The following PXDNL variants were observed in gnomAD, a reference collection of about 807,000 sequenced individuals.
PXDNL encodes peroxidasin like.
Under a neutral mutation model 150.8 loss-of-function variants are expected in PXDNL, and 145 were observed. That is an observed-to-expected ratio of 0.96 (90% CI 0.84 to 1.10). PXDNL has a LOEUF of 1.10. Ranked by LOEUF, PXDNL falls within the 50% of genes least tolerant of loss-of-function variation. The pLI, the probability that PXDNL is intolerant of heterozygous loss-of-function variation, is 0.00. For synonymous variants in PXDNL, 757 were observed against 725.7 expected (o/e 1.04, Z -0.69); for missense variants, 2,087 against 1,873.9 (o/e 1.11, Z -2.10).
intron 2 of PXDNL, among the ~76,000 whole-genome samples, chr8:51,617,596 A>AC (rs2130728096): frequency 6.6e-6 from 1 of 152,364 alleles, no homozygotes; most frequent in South Asian, 2.1e-4. Context: ...CTCAGTCAAT[A>AC]CTGCATGGAA....
chr8:51,771,777 G>A (rs2037297873), intron 1 of PXDNL, among the ~76,000 whole-genome samples: 2 of 152,132 alleles, frequency 1.3e-5, no homozygotes, highest in Non-Finnish European at 2.9e-5. Flanking sequence ...CTTCTACCTG[G>A]AAGCAGCTAA....
chr8:51,597,651 T>TTGTG (rs71550272), intron 2 of PXDNL, among the ~76,000 whole-genome samples: 106 of 149,902 alleles, frequency 7.1e-4, no homozygotes, highest in Middle Eastern at 3.4e-3. Context: ...CTCTAAGTAT[T>TTGTG]TGTGTGTGTG....
At chr8:51,490,541 A>C (rs182950422) in intron 5 of PXDNL, among the ~76,000 whole-genome samples, 1 of 151,786 alleles carries the variant, frequency 6.6e-6, no homozygotes, top group East Asian at 1.9e-4. Flanking sequence ...TGCCACAAGA[A>C]TTAGAAGGTC....
chr8:51,675,620 C>T (rs1172738981), intron 1 of PXDNL, among the ~76,000 whole-genome samples: 1 of 151,844 alleles, frequency 6.6e-6, no homozygotes, highest in Non-Finnish European at 1.5e-5. Context: ...TGGTGAAACC[C>T]TGTCTCTACT....
At chr8:51,360,172 C>T (rs1266845835) in intron 19 of PXDNL, among the ~76,000 whole-genome samples, 1 of 151,862 alleles carries the variant, frequency 6.6e-6, no homozygotes, top group Non-Finnish European at 1.5e-5. Context: ...TGCATGTATA[C>T]AACCATTCAC....
chr8:51,797,596 A>G (rs1268261388), intron 1 of PXDNL, among the ~76,000 whole-genome samples: 2 of 152,214 alleles, frequency 1.3e-5, no homozygotes, highest in Admixed American at 6.5e-5. Flanking sequence ...AGAATAAAAT[A>G]CCTAGGAATA....
chr8:51,708,280 G>A (rs924694148), intron 1 of PXDNL, among the ~76,000 whole-genome samples: 3 of 152,232 alleles, frequency 2.0e-5, no homozygotes, highest in African/African-American at 7.2e-5. Flanking sequence ...CCCTGGAGCA[G>A]GAAGGGGAGG....
intron 17 of PXDNL, among the ~76,000 whole-genome samples, chr8:51,391,204 G>C (rs1359357470): frequency 6.6e-6 from 1 of 152,178 alleles, no homozygotes; most frequent in Non-Finnish European, 1.5e-5. Context: ...ATAAACATAT[G>C]TGTGCGTGTG....
intron 1 of PXDNL, among the ~76,000 whole-genome samples, chr8:51,715,434 C>A (rs1262392112): frequency 1.3e-5 from 2 of 152,206 alleles, no homozygotes; most frequent in African/African-American, 4.8e-5. Context: ...TTAATCACTA[C>A]ACTAAGCAGT....
At chr8:51,547,231 AC>A (rs111880541) in intron 4 of PXDNL, among the ~76,000 whole-genome samples, 1 of 152,208 alleles carries the variant, frequency 6.6e-6, no homozygotes, top group African/African-American at 2.4e-5. Flanking sequence ...GCTGGAGGCC[AC>A]CAACTCAAGC....
chr8:51,558,460 G>A (rs1409552430), intron 3 of PXDNL, among the ~76,000 whole-genome samples: 1 of 152,018 alleles, frequency 6.6e-6, no homozygotes, highest in Non-Finnish European at 1.5e-5. Flanking sequence ...TGACTTCAAG[G>A]GTGTCATGTC....
chr8:51,360,345 G>A (rs1014155603), intron 19 of PXDNL, among the ~76,000 whole-genome samples: 1 of 152,048 alleles, frequency 6.6e-6, no homozygotes, highest in East Asian at 1.9e-4. Flanking sequence ...ATACACACCT[G>A]TACATGCCTA....
chr8:51,378,829 C>T (rs1807441949), intron 17 of PXDNL, among the ~76,000 whole-genome samples: 1 of 152,140 alleles, frequency 6.6e-6, no homozygotes, highest in Admixed American at 6.5e-5. Context: ...TATGAACCCA[C>T]CAGAAGGAAG....
At chr8:51,351,433 G>A (rs1806347858) in intron 19 of PXDNL, among the ~76,000 whole-genome samples, 1 of 152,298 alleles carries the variant, frequency 6.6e-6, no homozygotes, top group African/African-American at 2.4e-5. Context: ...CAGAAGCCAA[G>A]AAACAATGGA....
rs71550283 is a variant in PXDNL at position 51,705,807 on chromosome 8, CTGTG to C, written c.165-51051_165-51048del. ...CAGACAAACCCTCCTGGTGAAAACACTGTGTGTGTGTGTGTGTGTGTGTGTGCGC... is the reference window on the plus strand; with the variant it reads ...CAGACAAACCCTCCTGGTGAAAACACTGTGTGTGTGTGTGTGTGTGTGCGC... On this transcript the variant is annotated intron_variant, in intron 1 of 22. Transcript: ENST00000356297. Among the ~76,000 whole-genome samples, 89 of 143,388 alleles carry C rather than the reference CTGTG, an allele frequency of 6.2e-4. 2 individuals carry two copies. The Middle Eastern group carries it at 0.014, about 22-fold the overall frequency. 94.1% of individuals were successfully genotyped at this position (143,388 alleles called of 152,430 possible). A position where few individuals can be genotyped will look rare whatever the true frequency, so the allele number is the denominator to read the frequency against.
chr8:51,545,130 C>G (rs1306876625), intron 4 of PXDNL, among the ~76,000 whole-genome samples: 3 of 152,078 alleles, frequency 2.0e-5, no homozygotes, highest in Non-Finnish European at 4.4e-5. Context: ...GCTTTAAATA[C>G]TAAGATTACT....
intron 21 of PXDNL, among the ~76,000 whole-genome samples, chr8:51,322,366 A>G (rs1805350368): frequency 6.6e-6 from 1 of 152,156 alleles, no homozygotes; most frequent in Admixed American, 6.5e-5. Context: ...GGTACCAGAA[A>G]CAGATCAGTA....
chr8:51,655,947 A>G (rs370334597), intron 1 of PXDNL, among the ~76,000 whole-genome samples: 27 of 152,322 alleles, frequency 1.8e-4, no homozygotes, highest in African/African-American at 6.0e-4. Context: ...TTGACTTTCC[A>G]GATCCCTGAC....
chr8:51,734,158 T>A (rs1816989333), intron 1 of PXDNL, among the ~76,000 whole-genome samples: 1 of 152,118 alleles, frequency 6.6e-6, no homozygotes, highest in Admixed American at 6.6e-5. Context: ...AGCACCTTTT[T>A]ACGTTTCTTA....
Sources: gnomAD v4.1 joint callset for allele counts (sites outside exome capture counted in the v4.1 genomes callset) on GRCh38, gnomAD v4.1.1 for gene constraint, MANE v1.5 for transcripts, NCBI Gene and HGNC (gene_info 2026-07-23, HGNC 2026-07-21) for gene names.